Variants in PKHD1 observed in about 807,000 individuals in gnomAD.
PKHD1 encodes the protein fibrocystin.
Under a neutral mutation model 412.0 loss-of-function variants are expected in PKHD1, and 291 were observed. The observed-to-expected ratio is 0.71, with a 90% CI of 0.64 to 0.78. The LOEUF (loss-of-function observed/expected upper bound fraction) is 0.78, where lower values mean the gene tolerates loss of function less well. Ranked by LOEUF, PKHD1 falls within the 30% of genes least tolerant of loss-of-function variation. The pLI is 0.00. For missense variants in PKHD1, 4,825 were observed against 4,950.7 expected (o/e 0.97, Z 0.76); for synonymous variants, 1,777 against 1,821.5 (o/e 0.98, Z 0.62).
chr6:51,944,470 G>T (rs370136860), intron 36 of PKHD1, among the ~76,000 whole-genome samples: 4 of 152,214 alleles, frequency 2.6e-5, no homozygotes, highest in African/African-American at 9.6e-5. Flanking sequence ...TTAGGCTTTT[G>T]TATTTCTGAC....
At chr6:51,667,735 A>C (rs1242851512) in intron 60 of PKHD1, among the ~76,000 whole-genome samples, 17 of 149,292 alleles carry the variant, frequency 1.1e-4, no homozygotes, top group Non-Finnish European at 2.4e-4. Flanking sequence ...AGGTGTAAGG[A>C]AGGGATCCAG....
chr6:51,973,187 G>A (rs906875562), intron 35 of PKHD1, among the ~76,000 whole-genome samples: 8 of 152,192 alleles, frequency 5.3e-5, no homozygotes, highest in African/African-American at 1.7e-4. Flanking sequence ...ATATGTGTCT[G>A]ATTTATTGCT....
chr6:51,701,708 T>A (rs1779417670), intron 60 of PKHD1, among the ~76,000 whole-genome samples: 1 of 152,046 alleles, frequency 6.6e-6, no homozygotes, highest in Non-Finnish European at 1.5e-5. Flanking sequence ...GATTTCAATG[T>A]CCAGGCTAGT....
At chr6:51,642,886 A>G (rs756321153) in intron 63 of PKHD1, among the ~76,000 whole-genome samples, 1 of 152,104 alleles carries the variant, frequency 6.6e-6, no homozygotes, top group African/African-American at 2.4e-5. Context: ...GAGTATAAGT[A>G]GGGTCTTAGG....
At position 51,948,742 on chromosome 6, in the gene PKHD1, T is replaced by C. The variant is rs1266911; in HGVS notation, c.5908+11128A>G. 3.6e-3 allele frequency among the ~76,000 whole-genome samples: 550 copies of C among 152,044 alleles called. 1 individual carries two copies. Among genetic ancestry groups the C allele is most frequent in the African/African-American group, 0.013 (526 of 41,458 alleles). ...GAGTAAGAACAGAAGAAAGGTAAGG[T>C]GGGTAAAGGTAGGGAAACAACTGTC... On this transcript the variant is annotated intron_variant, in intron 36 of 66. Transcript: ENST00000371117.
chr6:51,881,075 C>CTTTTTTTTTTTT (rs371470393), intron 46 of PKHD1, among the ~76,000 whole-genome samples: 16 of 134,028 alleles, frequency 1.2e-4, no homozygotes, highest in South Asian at 4.5e-4. Context: ...CTTTTTCTTT[C>CTTTTTTTTTTTT]TTTTTTTTTT....
At chr6:51,945,852 C>T (rs1405111240) in intron 36 of PKHD1, among the ~76,000 whole-genome samples, 6 of 152,188 alleles carry the variant, frequency 3.9e-5, no homozygotes, top group Admixed American at 6.5e-5. Context: ...AACCAAAAGG[C>T]TCAGATCCTA....
intron 52 of PKHD1, among the ~76,000 whole-genome samples, chr6:51,820,263 A>G (rs947774645): frequency 2.0e-5 from 3 of 152,072 alleles, no homozygotes; most frequent in Admixed American, 6.5e-5. Flanking sequence ...GGTTCTTGTG[A>G]CCTAGCCTTC....
chr6:51,734,807 G>A (rs912502263), intron 60 of PKHD1, among the ~76,000 whole-genome samples: 2 of 152,164 alleles, frequency 1.3e-5, no homozygotes, highest in African/African-American at 4.8e-5. Context: ...CAAACGAAGT[G>A]ATGTGTTAGC....
At chr6:51,791,449 A>T (rs1437852214) in intron 52 of PKHD1, 76 bp from the exon 53 acceptor site, 3 of 1,366,952 alleles carry the variant, frequency 2.2e-6, no homozygotes, top group Non-Finnish European at 3.1e-6. Context: ...TTCTCCCAGC[A>T]GTTTGGGAGC....
chr6:51,993,057 C>A (rs1172671057), intron 35 of PKHD1, among the ~76,000 whole-genome samples: 1 of 152,232 alleles, frequency 6.6e-6, no homozygotes, highest in African/African-American at 2.4e-5. Context: ...TAGAATCCTG[C>A]ACTACCAGTC....
intron 66 of PKHD1, among the ~76,000 whole-genome samples, chr6:51,621,593 C>T (rs1372883110): frequency 6.6e-6 from 1 of 152,128 alleles, no homozygotes; most frequent in East Asian, 1.9e-4. Flanking sequence ...CATAGCTTTC[C>T]TTTGCAGACC....
At chr6:52,030,736 TG>T in intron 29 of PKHD1, among the ~76,000 whole-genome samples, 1 of 152,108 alleles carries the variant, frequency 6.6e-6, no homozygotes, top group Non-Finnish European at 1.5e-5. Flanking sequence ...CTCAGCAGCC[TG>T]GTGGGTAGCC....
intron 60 of PKHD1, among the ~76,000 whole-genome samples, chr6:51,670,034 G>T (rs1352575229): frequency 6.6e-6 from 1 of 150,836 alleles, no homozygotes; most frequent in Non-Finnish European, 1.5e-5. Context: ...GTGATTTGGG[G>T]TGGAGAGTTC....
At chr6:51,884,376 C>T (rs1321719094) in intron 45 of PKHD1, among the ~76,000 whole-genome samples, 3 of 152,138 alleles carry the variant, frequency 2.0e-5, no homozygotes, top group Non-Finnish European at 2.9e-5. Context: ...ATTTCATTGA[C>T]ATATATATCT....
At chr6:51,639,775 T>G (rs80069692) in intron 63 of PKHD1, among the ~76,000 whole-genome samples, 2 of 152,170 alleles carry the variant, frequency 1.3e-5, no homozygotes, top group Admixed American at 6.6e-5. Flanking sequence ...GTCAATATGA[T>G]TGGCATGGTG....
intron 43 of PKHD1, among the ~76,000 whole-genome samples, chr6:51,895,898 G>A (rs1329940379): frequency 4.6e-5 from 7 of 152,098 alleles, no homozygotes; most frequent in African/African-American, 1.7e-4. Flanking sequence ...GTCAAACAAA[G>A]GGGTGATGGA....
intron 56 of PKHD1, among the ~76,000 whole-genome samples, chr6:51,754,576 T>A (rs879549036): frequency 6.6e-6 from 1 of 152,204 alleles, no homozygotes; most frequent in Non-Finnish European, 1.5e-5. Context: ...TATGTGTGTA[T>A]GTGTATAACA....
chr6:51,720,141 A>C (rs1343125312), intron 60 of PKHD1, among the ~76,000 whole-genome samples: 3 of 152,124 alleles, frequency 2.0e-5, no homozygotes, highest in African/African-American at 4.8e-5. Flanking sequence ...ATATTTTCAA[A>C]ATTTCAGAAA....
Sources: allele counts gnomAD v4.1 joint callset (sites outside exome capture counted in the v4.1 genomes callset), GRCh38; gene constraint gnomAD v4.1.1; transcripts MANE v1.5; gene names NCBI Gene and HGNC (gene_info 2026-07-23, HGNC 2026-07-21).